DLC1: variants seen among roughly 807,000 people sequenced by gnomAD.
DLC1 encodes rho GTPase-activating protein 7.
DLC1 carries 54 observed loss-of-function variants against 140.3 expected under a neutral mutation model. The observed-to-expected ratio is 0.38, with a 90% CI of 0.31 to 0.48. The LOEUF is 0.48. Among genes scored for constraint, DLC1 ranks in the 20% least tolerant of loss-of-function variants. DLC1 has a pLI of 0.96. For synonymous variants in DLC1, 986 were observed against 728.1 expected (o/e 1.35, Z -5.70); for missense variants, 2,536 against 1,907.0 (o/e 1.33, Z -6.14).
At chr8:13,414,303 A>G (rs1837946722) in intron 2 of DLC1, among the ~76,000 whole-genome samples, 1 of 152,212 alleles carries the variant, frequency 6.6e-6, no homozygotes, top group Admixed American at 6.5e-5. Context: ...TGGTTACTAA[A>G]GTATACCTAA....
At chr8:13,090,861 T>G (rs1217440889) in intron 14 of DLC1, among the ~76,000 whole-genome samples, 2 of 150,886 alleles carry the variant, frequency 1.3e-5, no homozygotes, top group African/African-American at 2.4e-5. Context: ...TGGAGTGCAG[T>G]GGCAAAATAT....
intron 1 of DLC1, among the ~76,000 whole-genome samples, chr8:13,522,776 A>C (rs906518382): frequency 7.9e-5 from 12 of 152,286 alleles, no homozygotes; most frequent in Admixed American, 7.8e-4. Flanking sequence ...AGGGGCAATC[A>C]TGTTATATAA....
chr8:13,113,651 T>C (rs970735375), intron 6 of DLC1, among the ~76,000 whole-genome samples: 2 of 152,244 alleles, frequency 1.3e-5, no homozygotes, highest in Non-Finnish European at 2.9e-5. Flanking sequence ...TGCAGTTGTC[T>C]TTCCTTATCT....
At chr8:13,098,296 T>C in intron 10 of DLC1, 103 bp downstream of exon 10, 2 of 1,364,928 alleles carry the variant, frequency 1.5e-6, no homozygotes, top group Non-Finnish European at 2.0e-6. Flanking sequence ...TGAAATATAT[T>C]AATAAAGGAG....
At chr8:13,268,740 T>C (rs1830792190) in intron 5 of DLC1, among the ~76,000 whole-genome samples, 1 of 152,004 alleles carries the variant, frequency 6.6e-6, no homozygotes. Context: ...TTCTGACTTC[T>C]TTTTGTGTGT....
At chr8:13,541,765 G>C (rs914934304) in intron 1 of DLC1, among the ~76,000 whole-genome samples, 2 of 152,122 alleles carry the variant, frequency 1.3e-5, no homozygotes, top group Admixed American at 1.3e-4. Context: ...TGGCCAGGAT[G>C]ATCTCGATCT....
chr8:13,371,834 G>T (rs1835744406), intron 4 of DLC1, among the ~76,000 whole-genome samples: 2 of 152,116 alleles, frequency 1.3e-5, no homozygotes, highest in African/African-American at 4.8e-5. Flanking sequence ...CCAGCACAAT[G>T]CATGGCACAC....
intron 4 of DLC1, among the ~76,000 whole-genome samples, chr8:13,375,439 T>G (rs1835931201): frequency 1.3e-5 from 2 of 152,170 alleles, no homozygotes; most frequent in Non-Finnish European, 2.9e-5. Context: ...AGATATACAA[T>G]CATGTCATCT....
intron 7 of DLC1, among the ~76,000 whole-genome samples, chr8:13,106,591 T>C (rs1819586886): frequency 6.6e-6 from 1 of 152,174 alleles, no homozygotes; most frequent in Non-Finnish European, 1.5e-5. Flanking sequence ...GCTCAAGGGA[T>C]CCTCCCATCT....
chr8:13,303,130 C>G (rs1249802050), intron 5 of DLC1, among the ~76,000 whole-genome samples: 6 of 152,082 alleles, frequency 3.9e-5, no homozygotes, highest in African/African-American at 1.4e-4. Context: ...ATTACATTTT[C>G]TCCTAAATAT....
At chr8:13,517,419 A>G (rs1802624337), upstream of DLC1, among the ~76,000 whole-genome samples, 1 of 152,174 alleles carries the variant, frequency 6.6e-6, no homozygotes, top group South Asian at 2.1e-4. Context: ...TTTTCTACAC[A>G]AAAAATACAT....
chr8:13,536,174 G>A (rs527627291), intron 1 of DLC1: 3 of 152,354 alleles, frequency 2.0e-5, no homozygotes, highest in East Asian at 1.9e-4. Flanking sequence ...AGGATAAGCT[G>A]TAGATCATAA....
chr8:13,235,271 G>T (rs1030956180), intron 5 of DLC1, among the ~76,000 whole-genome samples: 34 of 152,130 alleles, frequency 2.2e-4, no homozygotes, highest in Middle Eastern at 6.8e-3. Context: ...CACTCAGTAG[G>T]CCAGTGACAA....
At chr8:13,496,150 G>C (rs1415257156) in intron 2 of DLC1, among the ~76,000 whole-genome samples, 1 of 152,018 alleles carries the variant, frequency 6.6e-6, no homozygotes, top group Admixed American at 6.6e-5. Context: ...ATGAAAATGT[G>C]GCACATGTGT....
At chr8:13,300,973 C>T (rs892167225) in intron 5 of DLC1, among the ~76,000 whole-genome samples, 1 of 152,054 alleles carries the variant, frequency 6.6e-6, no homozygotes, top group African/African-American at 2.4e-5. Context: ...GAGGAATGGA[C>T]AAGGGTGATG....
At chr8:13,231,407 T>C (rs924949940) in intron 5 of DLC1, among the ~76,000 whole-genome samples, 3 of 152,238 alleles carry the variant, frequency 2.0e-5, no homozygotes, top group Admixed American at 6.5e-5. Flanking sequence ...CTTATTCTTC[T>C]TCTGTGATCT....
intron 1 of DLC1, among the ~76,000 whole-genome samples, chr8:13,569,717 A>G (rs1804579853): frequency 6.6e-6 from 1 of 152,072 alleles, no homozygotes; most frequent in Admixed American, 6.5e-5. Flanking sequence ...ACTATTTTTT[A>G]AATTTGTTAC....
At chr8:13,289,059 A>G (rs186111269) in intron 5 of DLC1, among the ~76,000 whole-genome samples, 4 of 152,076 alleles carry the variant, frequency 2.6e-5, no homozygotes, top group Admixed American at 2.6e-4. Context: ...TCTGTGACCA[A>G]CTTCACTCCT....
At position 13,085,205 on chromosome 8, in the gene DLC1, C is replaced by T. The variant is rs1817455689; in HGVS notation, c.*606G>A. On this transcript the variant is annotated 3_prime_UTR_variant, in exon 18 of 18. Coordinates refer to ENST00000276297, the MANE Select transcript of DLC1 (RefSeq NM_182643.3). Reference sequence around the variant, plus strand: ...TAAATGGACAAGGGTGTTGGGCCCCCTTTCTGGGTGGATTCAGGGGTAGTC... The same window carrying T: ...TAAATGGACAAGGGTGTTGGGCCCCTTTTCTGGGTGGATTCAGGGGTAGTC... 1.3e-5 allele frequency: 2 copies of T among 152,680 alleles called. No homozygotes were observed. The highest frequency in any genetic ancestry group is 2.1e-4 in the South Asian group (1 of 4,830). The allele number at this position is 152,680 out of a possible 1,614,324, so 9.5% of individuals were successfully genotyped here.
Sources: gnomAD v4.1 joint callset for allele counts (sites outside exome capture counted in the v4.1 genomes callset) on GRCh38, gnomAD v4.1.1 for gene constraint, MANE v1.5 for transcripts, NCBI Gene and HGNC (gene_info 2026-07-23, HGNC 2026-07-21) for gene names.